Variants in POF1B observed in about 807,000 individuals in gnomAD.
POF1B encodes the protein protein POF1B.
POF1B carries 53 observed loss-of-function variants against 55.3 expected under a neutral mutation model. That is an observed-to-expected ratio of 0.96 (90% CI 0.77 to 1.20). POF1B has a LOEUF of 1.20. POF1B is among the 50% of genes most tolerant of loss of function. The pLI is 0.00. For missense variants in POF1B, 478 were observed against 420.5 expected (o/e 1.14, Z -1.20); for synonymous variants, 188 against 148.3 (o/e 1.27, Z -1.95).
At chrX:85,314,545 A>G (rs1467742766) in intron 8 of POF1B, 39 bp from the exon 9 acceptor site, 1 of 1,019,699 alleles carries the variant, frequency 9.8e-7, no homozygotes, top group Non-Finnish European at 1.3e-6. Context: ...ACAGATACAT[A>G]TCAATCTTAA....
chrX:85,359,717 G>T, intron 3 of POF1B, 87 bp from the exon 4 acceptor site: 1 of 612,136 alleles, frequency 1.6e-6, no homozygotes, highest in East Asian at 3.5e-5. Context: ...AATTTCCAGG[G>T]TTAAATTTTT....
chrX:85,284,822 C>A (rs1932005742), intron 15 of POF1B, among the ~76,000 whole-genome samples: 2 of 111,563 alleles, frequency 1.8e-5, no homozygotes. Context: ...TAATTAAACT[C>A]AAGAGCTTCT....
At chrX:85,301,515 C>A (rs1932455345) in intron 15 of POF1B, among the ~76,000 whole-genome samples, 1 of 111,578 alleles carries the variant, frequency 9.0e-6, no homozygotes, top group Non-Finnish European at 1.9e-5. Context: ...ACAAGAAATA[C>A]TAAAGGAGTC....
At chrX:85,287,959 G>A (rs759584375) in intron 15 of POF1B, among the ~76,000 whole-genome samples, 2 of 111,657 alleles carry the variant, frequency 1.8e-5, no homozygotes, top group South Asian at 7.4e-4. Context: ...ATTCATCATT[G>A]TAACAGATCA....
intron 16 of POF1B, 140 bp downstream of exon 16, chrX:85,282,063 C>T: frequency 1.4e-6 from 1 of 738,525 alleles, no homozygotes; most frequent in African/African-American, 2.2e-5. Flanking sequence ...TTAATTCCCA[C>T]TGTATATCAA....
At chrX:85,290,474 A>G (rs965286254) in intron 15 of POF1B, among the ~76,000 whole-genome samples, 1 of 111,570 alleles carries the variant, frequency 9.0e-6, no homozygotes, top group African/African-American at 3.3e-5. Context: ...ATATACCCAG[A>G]AATGAGAATG....
chrX:85,313,404 A>G (rs1424160671), intron 9 of POF1B, among the ~76,000 whole-genome samples: 1 of 111,895 alleles, frequency 8.9e-6, no homozygotes, highest in Non-Finnish European at 1.9e-5. Context: ...GAATTTTATC[A>G]AAGGCCTTTT....
chrX:85,374,912 A>G (rs1274529027), intron 2 of POF1B, among the ~76,000 whole-genome samples: 1 of 112,101 alleles, frequency 8.9e-6, no homozygotes, highest in Non-Finnish European at 1.9e-5. Flanking sequence ...CTCTCTTTAG[A>G]TGAAATAAAC....
intron 9 of POF1B, among the ~76,000 whole-genome samples, chrX:85,309,703 T>G (rs991995642): frequency 9.0e-6 from 1 of 111,548 alleles, no homozygotes; most frequent in Admixed American, 9.6e-5. Flanking sequence ...CCACTCTATC[T>G]TAGCCAAACA....
chrX:85,351,407 T>A lies in POF1B; in HGVS notation c.483A>T (p.Gly161=). ...QFLRGSHFFP[G]NNVIYEKTIR... is the part of the protein sequence containing the mutation. ...TTGTTTTTTCATAAATAACATTGTT[T>A]CCTGGGAAGAAATGGCTTCCTCTTA... The change falls in exon 5 of 17, where the codon GGA becomes GGT. Residue 161 remains glycine, a synonymous_variant. Transcript: ENST00000262753. The A allele has an allele frequency of 8.3e-7, 1 of 1,200,539 alleles. No homozygotes were observed. The highest frequency in any genetic ancestry group is 1.1e-6 in the Non-Finnish European group (1 of 887,980).
chrX:85,308,101 G>GA (rs1372843059), intron 10 of POF1B, 23 bp downstream of exon 10: 5 of 1,081,415 alleles, frequency 4.6e-6, no homozygotes, highest in Non-Finnish European at 6.3e-6. Flanking sequence ...AAAGGCTTTG[G>GA]AAAAAATCAA....
At chrX:85,359,131 A>G (rs1311652008) in intron 4 of POF1B, among the ~76,000 whole-genome samples, 2 of 106,005 alleles carry the variant, frequency 1.9e-5, no homozygotes, top group South Asian at 8.1e-4. Context: ...TTTAATTTTC[A>G]TCTTCCTAGT....
intron 11 of POF1B, among the ~76,000 whole-genome samples, chrX:85,306,702 G>A (rs895187988): frequency 3.6e-5 from 4 of 111,422 alleles, no homozygotes; most frequent in African/African-American, 1.3e-4. Context: ...GACAGCCATA[G>A]GAGTAAAGAT....
chrX:85,306,329 C>T lies in POF1B; in HGVS notation c.1169G>A (p.Gly390Glu), dbSNP rs1172285990. The T allele has an allele frequency of 1.7e-6, 2 of 1,204,208 alleles. No homozygotes were observed. The highest frequency in any genetic ancestry group is 3.5e-5 in the African/African-American group (2 of 56,946). The change falls in exon 12 of 17, where the codon GGA becomes GAA. Residue 390 changes from glycine (G) to glutamate (E), a missense_variant. By Grantham distance (98) the Gly-to-Glu change is moderately conservative. Transcript: ENST00000262753. ...GCATTTTGAACTTGAGTCTTGAAGT[C>T]CTTGCTGTAAAGAAGACACAAGTAC... is the stretch of plus-strand genomic sequence containing the variant. ...VRANNHQQQQGLQDSSSKCQA... is the reference protein window; with the variant it reads ...VRANNHQQQQELQDSSSKCQA...
At chrX:85,321,210 C>T (rs1452093650) in intron 7 of POF1B, among the ~76,000 whole-genome samples, 9 of 111,102 alleles carry the variant, frequency 8.1e-5, no homozygotes, top group African/African-American at 2.3e-4. Context: ...ACTGGCAAAC[C>T]GAATCCAGCA....
rs186057901 is a variant in POF1B at position 85,352,098 on chromosome X, T to C, written c.439-647A>G. Among the ~76,000 whole-genome samples the C allele has an allele frequency of 4.9e-3, 540 of 110,774 alleles. 2 individuals carry two copies. The highest frequency in any genetic ancestry group is 0.017 in the African/African-American group (520 of 30,642). ...TAAGATTAGCTGAGTGCCTAGAAGA[T>C]GTCAGCCAATGAAATATAGGCTGGT... On this transcript the variant is annotated intron_variant, in intron 4 of 16. Transcript: ENST00000262753.
chrX:85,332,059 A>G (rs1932988394), intron 6 of POF1B, among the ~76,000 whole-genome samples: 1 of 111,778 alleles, frequency 8.9e-6, no homozygotes, highest in South Asian at 3.7e-4. Context: ...TAGTGCTGCA[A>G]TCAACATGGA....
chrX:85,356,979 T>C (rs900304070), intron 4 of POF1B, among the ~76,000 whole-genome samples: 1 of 111,585 alleles, frequency 9.0e-6, no homozygotes, highest in African/African-American at 3.3e-5. Context: ...ATATCCAACT[T>C]GAAGTAGACC....
chrX:85,366,079 A>T (rs1933716080), intron 3 of POF1B, among the ~76,000 whole-genome samples: 1 of 112,172 alleles, frequency 8.9e-6, no homozygotes, highest in Non-Finnish European at 1.9e-5. Flanking sequence ...ATAAAAGCAA[A>T]TGGTTAATAA....
Sources: allele counts gnomAD v4.1 joint callset (sites outside exome capture counted in the v4.1 genomes callset), GRCh38; gene constraint gnomAD v4.1.1; transcripts MANE v1.5; gene names NCBI Gene and HGNC (gene_info 2026-07-23, HGNC 2026-07-21).